Variants in GNA14 observed in about 807,000 individuals in gnomAD.
GNA14 encodes the protein G protein subunit alpha 14, also known as guanine nucleotide-binding protein subunit alpha-14.
Under a neutral mutation model 42.0 loss-of-function variants are expected in GNA14, and 50 were observed. That is an observed-to-expected ratio of 1.19 (90% CI 0.95 to 1.51). The LOEUF is 1.51. GNA14 is among the 40% of genes most tolerant of loss of function. The pLI, the probability that GNA14 is intolerant of heterozygous loss-of-function variation, is 0.00. For missense variants in GNA14, 473 were observed against 446.2 expected (o/e 1.06, Z -0.54); for synonymous variants, 173 against 163.1 (o/e 1.06, Z -0.46).
At chr9:77,438,145 C>T (rs1420943277) in intron 2 of GNA14, among the ~76,000 whole-genome samples, 1 of 152,156 alleles carries the variant, frequency 6.6e-6, no homozygotes, top group Non-Finnish European at 1.5e-5. Context: ...TTGAAAGAAG[C>T]AGAGAGCTCA....
intron 1 of GNA14, among the ~76,000 whole-genome samples, chr9:77,553,121 G>A (rs1270465150): frequency 6.6e-6 from 1 of 152,130 alleles, no homozygotes; most frequent in African/African-American, 2.4e-5. Context: ...GTCTCTCAGA[G>A]GAGCTTCATA....
chr9:77,618,601 TATATA>T (rs1352058836), intron 1 of GNA14, among the ~76,000 whole-genome samples: 2 of 14,220 alleles, frequency 1.4e-4, no homozygotes, highest in African/African-American at 5.6e-4. Flanking sequence ...TATATATATA[TATATA>T]TATATATATA....
intron 2 of GNA14, among the ~76,000 whole-genome samples, chr9:77,507,578 TTTTCATTGAGTCTAACCTTGTATGCTA>T (rs1212626132): frequency 6.6e-6 from 1 of 152,164 alleles, no homozygotes; most frequent in African/African-American, 2.4e-5. Flanking sequence ...TTTCCCTCTG[TTTTCATTGAGTCTAACCTTGTATGCTA>T]TTTCTTAAAT....
At chr9:77,439,987 T>C (rs1394323825) in intron 2 of GNA14, among the ~76,000 whole-genome samples, 1 of 152,182 alleles carries the variant, frequency 6.6e-6, no homozygotes, top group Non-Finnish European at 1.5e-5. Flanking sequence ...CGGAGAGTCC[T>C]AGGCTAGAGA....
chr9:77,589,385 C>T (rs577512001), intron 1 of GNA14, among the ~76,000 whole-genome samples: 12 of 152,074 alleles, frequency 7.9e-5, no homozygotes, highest in Non-Finnish European at 1.5e-4. Context: ...GGAGTGAGCT[C>T]GGTTTTCTTT....
intron 2 of GNA14, among the ~76,000 whole-genome samples, chr9:77,500,812 A>C (rs1339394357): frequency 6.6e-6 from 1 of 152,240 alleles, no homozygotes; most frequent in Non-Finnish European, 1.5e-5. Flanking sequence ...GTGGTAACAA[A>C]GGCATAAGAT....
chr9:77,582,822 C>A (rs1340368404), intron 1 of GNA14, among the ~76,000 whole-genome samples: 1 of 152,174 alleles, frequency 6.6e-6, no homozygotes, highest in Non-Finnish European at 1.5e-5. Flanking sequence ...GTATTTGCCA[C>A]AAGACATTGA....
At chr9:77,534,653 G>T (rs919976457) in intron 1 of GNA14, among the ~76,000 whole-genome samples, 9 of 152,228 alleles carry the variant, frequency 5.9e-5, no homozygotes, top group African/African-American at 2.2e-4. Context: ...TGAGCACACA[G>T]TTCTGGATGT....
intron 2 of GNA14, among the ~76,000 whole-genome samples, chr9:77,472,219 C>T (rs1018910050): frequency 2.6e-5 from 4 of 152,096 alleles, no homozygotes; most frequent in African/African-American, 7.2e-5. Context: ...GGAAAATGGA[C>T]GACAGCATAT....
intron 1 of GNA14, among the ~76,000 whole-genome samples, chr9:77,538,066 C>CTT (rs35946811): frequency 0.093 from 12,806 of 138,372 alleles, 1,375 homozygotes; most frequent in African/African-American, 0.27. Context: ...ACAGAAGCTT[C>CTT]TTTTTTTTTT....
At chr9:77,499,536 G>T (rs1270327749) in intron 2 of GNA14, among the ~76,000 whole-genome samples, 1 of 151,928 alleles carries the variant, frequency 6.6e-6, no homozygotes, top group Non-Finnish European at 1.5e-5. Flanking sequence ...CATACAAAAA[G>T]GCCACATAGC....
intron 1 of GNA14, among the ~76,000 whole-genome samples, chr9:77,534,166 C>T (rs1380712132): frequency 6.6e-6 from 1 of 152,240 alleles, no homozygotes; most frequent in South Asian, 2.1e-4. Flanking sequence ...AACATCCTGT[C>T]TATCACCAGT....
At chr9:77,452,565 T>TA (rs1554688226) in intron 2 of GNA14, among the ~76,000 whole-genome samples, 4 of 6,724 alleles carry the variant, frequency 5.9e-4, no homozygotes, top group Non-Finnish European at 1.0e-3. Flanking sequence ...TGTGTGTGTG[T>TA]GTGTGTATGT....
At chr9:77,447,182 T>G (rs1277601320) in intron 2 of GNA14, among the ~76,000 whole-genome samples, 1 of 152,168 alleles carries the variant, frequency 6.6e-6, no homozygotes, top group Non-Finnish European at 1.5e-5. Flanking sequence ...TGACCTCAAA[T>G]GATCGCTGAC....
At chr9:77,431,525 C>T in intron 3 of GNA14, 76 bp from the exon 4 acceptor site, 1 of 1,364,638 alleles carries the variant, frequency 7.3e-7, no homozygotes, top group South Asian at 1.4e-5. Context: ...AAGGAAGTCA[C>T]CCCCCACTCA....
intron 2 of GNA14, among the ~76,000 whole-genome samples, chr9:77,503,798 C>G (rs1479902938): frequency 2.0e-5 from 3 of 151,806 alleles, no homozygotes; most frequent in Non-Finnish European, 2.9e-5. Flanking sequence ...AGGTGCCTGC[C>G]ACCACACCCA....
At chr9:77,506,327 T>C (rs1181591391) in intron 2 of GNA14, among the ~76,000 whole-genome samples, 2 of 149,370 alleles carry the variant, frequency 1.3e-5, no homozygotes, top group Non-Finnish European at 3.0e-5. Flanking sequence ...TTTAATAAAA[T>C]ATTTTAAGTC....
chr9:77,506,121 C>A (rs9792582), intron 2 of GNA14, among the ~76,000 whole-genome samples: 91,113 of 150,976 alleles, frequency 0.6, 29,298 homozygotes, highest in African/African-American at 0.83. Flanking sequence ...ATAATTAAAT[C>A]AACAAATAAA....
chr9:77,533,700 A>G (rs1237340200), intron 1 of GNA14, among the ~76,000 whole-genome samples: 1 of 152,228 alleles, frequency 6.6e-6, no homozygotes, highest in Non-Finnish European at 1.5e-5. Context: ...ATCTCCTGCT[A>G]TACAGCTTTG....
Sources: allele counts gnomAD v4.1 joint callset (sites outside exome capture counted in the v4.1 genomes callset), GRCh38; gene constraint gnomAD v4.1.1; transcripts MANE v1.5; gene names NCBI Gene and HGNC (gene_info 2026-07-23, HGNC 2026-07-21).